Variants in MYO3B observed in about 807,000 individuals in gnomAD.
MYO3B encodes the protein myosin-IIIb.
MYO3B carries 156 observed loss-of-function variants against 174.6 expected under a neutral mutation model. The observed-to-expected ratio is 0.89, with a 90% CI of 0.78 to 1.02. The LOEUF is 1.02. MYO3B is among the 50% of genes least tolerant of loss of function. The probability of loss-of-function intolerance (pLI) is 0.00; values close to 1 mark genes in which losing one functional copy is unlikely to be tolerated. For missense variants in MYO3B, 1,632 were observed against 1,639.4 expected (o/e 1.00, Z 0.08); for synonymous variants, 563 against 569.1 (o/e 0.99, Z 0.15).
chr2:170,305,623 C>G (rs912718359), intron 7 of MYO3B, among the ~76,000 whole-genome samples: 1 of 152,184 alleles, frequency 6.6e-6, no homozygotes, highest in South Asian at 2.1e-4. Flanking sequence ...CTGTGCCCAT[C>G]ATTCAAGTAG....
intron 16 of MYO3B, among the ~76,000 whole-genome samples, chr2:170,394,915 T>C (rs1361335482): frequency 6.6e-6 from 1 of 152,178 alleles, no homozygotes; most frequent in Admixed American, 6.5e-5. Flanking sequence ...TTCTCTTAAG[T>C]TTTTCTGGCA....
At chr2:170,281,173 C>T (rs980735300) in intron 7 of MYO3B, among the ~76,000 whole-genome samples, 2 of 152,074 alleles carry the variant, frequency 1.3e-5, no homozygotes, top group African/African-American at 2.4e-5. Context: ...TTGTAATTCT[C>T]ACTGTAGAGA....
chr2:170,296,366 G>A (rs1033740331), intron 7 of MYO3B, among the ~76,000 whole-genome samples: 2 of 152,200 alleles, frequency 1.3e-5, no homozygotes, highest in African/African-American at 4.8e-5. Flanking sequence ...TATTCTGTCC[G>A]TATAACCATT....
chr2:170,382,163 A>T (rs1329426554), intron 10 of MYO3B, 51 bp downstream of exon 10: 1 of 1,475,366 alleles, frequency 6.8e-7, no homozygotes, highest in Non-Finnish European at 9.5e-7. Context: ...GTTTCATGTG[A>T]ATGGTCTGAA....
chr2:170,236,282 GCT>G, intron 7 of MYO3B, 146 bp downstream of exon 7: 18 of 967,686 alleles, frequency 1.9e-5, no homozygotes, highest in South Asian at 3.1e-5. Flanking sequence ...AGCAAGGGGG[GCT>G]GGGGGGGACA....
At chr2:170,446,498 G>T (rs1365201296) in intron 23 of MYO3B, among the ~76,000 whole-genome samples, 1 of 152,022 alleles carries the variant, frequency 6.6e-6, no homozygotes, top group Admixed American at 6.5e-5. Context: ...ATATATTTAC[G>T]TTATTAATAA....
chr2:170,315,571 G>C (rs1198654818), intron 7 of MYO3B, among the ~76,000 whole-genome samples: 2 of 152,130 alleles, frequency 1.3e-5, no homozygotes, highest in Non-Finnish European at 2.9e-5. Context: ...CTCCCAAAGT[G>C]CTGGGATTAC....
chr2:170,515,334 C>T (rs889675279), intron 29 of MYO3B, among the ~76,000 whole-genome samples: 1 of 152,192 alleles, frequency 6.6e-6, no homozygotes, highest in Non-Finnish European at 1.5e-5. Flanking sequence ...TTAACCTGTC[C>T]TCTTGAGGCA....
chr2:170,623,725 T>A (rs1450617731), intron 32 of MYO3B, among the ~76,000 whole-genome samples: 1 of 152,278 alleles, frequency 6.6e-6, no homozygotes, highest in East Asian at 1.9e-4. Context: ...TTTAAGTTTT[T>A]AATCCATCTT....
At position 170,533,432 on chromosome 2, in the gene MYO3B, G is replaced by C. The variant is rs895054457; in HGVS notation, c.3576-9474G>C. On this transcript the variant is annotated intron_variant, in intron 30 of 34. Coordinates refer to ENST00000408978, the MANE Select transcript of MYO3B (RefSeq NM_138995.5). ...TATTATCTTTTGTGGGGGTGGGGGGGGGGTGTGCAGTGGTGAAAAGAACAT... is the reference window on the plus strand; with the variant it reads ...TATTATCTTTTGTGGGGGTGGGGGGCGGGTGTGCAGTGGTGAAAAGAACAT... Among the ~76,000 whole-genome samples the C allele has an allele frequency of 1.2e-4, 18 of 148,910 alleles. No homozygotes were observed. In the East Asian group the frequency reaches 3.4e-3, roughly 28 times the overall value.
At chr2:170,300,852 G>A (rs1267443590) in intron 7 of MYO3B, among the ~76,000 whole-genome samples, 1 of 152,094 alleles carries the variant, frequency 6.6e-6, no homozygotes, top group East Asian at 1.9e-4. Flanking sequence ...TTGTCTGTTT[G>A]TTTTTATTTT....
chr2:170,224,492 A>G (rs1198828873), intron 6 of MYO3B, among the ~76,000 whole-genome samples: 4 of 152,216 alleles, frequency 2.6e-5, no homozygotes, highest in Non-Finnish European at 5.9e-5. Context: ...CATATAACAA[A>G]GACACGCAGA....
intron 2 of MYO3B, 105 bp from the exon 3 acceptor site, chr2:170,200,045 A>G: frequency 9.3e-7 from 1 of 1,071,848 alleles, no homozygotes; most frequent in Non-Finnish European, 1.3e-6. Flanking sequence ...GAGATTGAAA[A>G]TACATAGTAC....
At position 170,615,325 on chromosome 2, in the gene MYO3B, A is replaced by G. The variant is rs149672133; in HGVS notation, c.3734-36303A>G. On this transcript the variant is annotated intron_variant, in intron 32 of 34. Transcript: ENST00000408978. ...CTGGCCTCATGGAGCTGACAATGGG[A>G]AAGTCAGACAAGAAAGAAAATCACT... 4.6e-5 allele frequency among the ~76,000 whole-genome samples: 7 copies of G among 152,360 alleles called. 1 individual carries two copies. In the East Asian group the frequency reaches 1.4e-3, roughly 29 times the overall value.
chr2:170,202,342 GT>G (rs1478680754), intron 3 of MYO3B, among the ~76,000 whole-genome samples: 1 of 152,180 alleles, frequency 6.6e-6, no homozygotes, highest in Non-Finnish European at 1.5e-5. Flanking sequence ...GATACTGGGT[GT>G]CCTCAGTCTT....
chr2:170,377,442 G>A (rs1028405319), intron 9 of MYO3B, among the ~76,000 whole-genome samples: 8 of 152,130 alleles, frequency 5.3e-5, no homozygotes, highest in African/African-American at 1.2e-4. Flanking sequence ...TGTCTTTCCC[G>A]TTCTTCAGAT....
chr2:170,277,942 A>T (rs987925738), intron 7 of MYO3B, among the ~76,000 whole-genome samples: 4 of 152,186 alleles, frequency 2.6e-5, no homozygotes, highest in African/African-American at 9.7e-5. Flanking sequence ...TAACTTTTCT[A>T]TATATCAGCT....
chr2:170,471,009 A>C, intron 25 of MYO3B, among the ~76,000 whole-genome samples: 1 of 148,212 alleles, frequency 6.7e-6, no homozygotes, highest in Non-Finnish European at 1.5e-5. Flanking sequence ...TTAATGAGCT[A>C]CTGGTCACTT....
intron 30 of MYO3B, among the ~76,000 whole-genome samples, chr2:170,527,856 A>C (rs1439818487): frequency 6.6e-6 from 1 of 152,272 alleles, no homozygotes; most frequent in Non-Finnish European, 1.5e-5. Flanking sequence ...ATGAGATAAT[A>C]AACTTTAGGG....
Sources: gnomAD v4.1 joint callset for allele counts (sites outside exome capture counted in the v4.1 genomes callset) on GRCh38, gnomAD v4.1.1 for gene constraint, MANE v1.5 for transcripts, NCBI Gene and HGNC (gene_info 2026-07-23, HGNC 2026-07-21) for gene names.